ANGEL2: variants seen among roughly 807,000 people sequenced by gnomAD.
ANGEL2 encodes the protein RNA 2',3'-cyclic phosphatase ANGEL2.
A neutral mutation model predicts 66.0 loss-of-function variants in ANGEL2; 41 were observed. That is an observed-to-expected ratio of 0.62 (90% confidence interval 0.48 to 0.81). The LOEUF is 0.81. ANGEL2 is among the 30% of genes least tolerant of loss of function. The probability of loss-of-function intolerance (pLI) is 0.00; values close to 1 mark genes in which losing one functional copy is unlikely to be tolerated. For synonymous variants in ANGEL2, 208 were observed against 226.5 expected (o/e 0.92, Z 0.73); for missense variants, 561 against 641.6 (o/e 0.87, Z 1.36).
rs2076298173 is a variant in ANGEL2 at position 213,005,433 on chromosome 1, A to T, written c.734T>A (p.Met245Lys). Residue 245 changes from methionine (M) to lysine (K), a missense_variant, in exon 5 of 9, where the codon ATG (methionine) becomes AAG (lysine). Met to Lys is a moderately conservative substitution (Grantham distance 95). Coordinates refer to ENST00000366962, the MANE Select transcript of ANGEL2 (RefSeq NM_144567.5). ...ESLGYHCEYK[M>K]RTGRKPDGCA... is the part of the protein sequence containing the mutation. ...GCCATCAGGTTTCCTTCCTGTCCGC[A>T]TCTTATATTCACAGTGATAACCTAC... The T allele has an allele frequency of 6.2e-7, 1 of 1,606,002 alleles. No individual in the cohort carries two copies. Among genetic ancestry groups the T allele is most frequent in the African/African-American group, 1.3e-5 (1 of 74,778 alleles).
In ANGEL2 at chr1:213,015,649, C is replaced by T. The variant is rs1295394333; in HGVS notation, c.23G>A (p.Arg8Lys). The T allele has an allele frequency of 1.9e-6, 3 of 1,614,208 alleles. No individual in the cohort carries two copies. Among genetic ancestry groups the T allele is most frequent in the Middle Eastern group, 1.6e-4 (1 of 6,062 alleles). Residue 8 changes from arginine (R) to lysine (K), a missense_variant, in exon 1 of 9, where the codon AGG becomes AAG. Coordinates refer to ENST00000366962, the MANE Select transcript of ANGEL2 (RefSeq NM_144567.5). ...CACCACACAGTGGCCGTAGCCCTTC[C>T]TCACACAGCGCCAGGCTTCCATCTT... Reference protein sequence around the residue: MEAWRCVRKGYGHCVVGR... With the variant: MEAWRCVKKGYGHCVVGR...
rs1051368949 is a variant in ANGEL2, at chr1:213,015,691, C to T, written c.-20G>A. 3 of 1,614,074 alleles carry T rather than the reference C, an allele frequency of 1.9e-6. No individual in the cohort carries two copies. The highest frequency in any genetic ancestry group is 1.3e-5 in the African/African-American group (1 of 74,928). ...TTCCATCTTCGCCCTCCGCGTGCGT[C>T]CAGTTCCCAGGCCCCGGGTTCCACC... On this transcript the variant is annotated 5_prime_UTR_variant, in exon 1 of 9. Coordinates refer to ENST00000366962, the MANE Select transcript of ANGEL2 (RefSeq NM_144567.5).
rs1475039077 is a variant in ANGEL2 at position 213,013,419 on chromosome 1, C to G, written c.60-1G>C. On this transcript the variant is annotated splice_acceptor_variant, in intron 1 of 8. Coordinates refer to ENST00000366962, the MANE Select transcript of ANGEL2 (RefSeq NM_144567.5). LOFTEE classifies it high-confidence loss of function. ...CGAGTGATGGGGAAACATGGGGTAT[C>G]TAAAAGAAATAAATACACTCCTTGA... 1 of 1,609,244 alleles carries G rather than the reference C, an allele frequency of 6.2e-7. No individual in the cohort carries two copies. The highest frequency in any genetic ancestry group is 1.7e-5 in the Admixed American group (1 of 59,326).
chr1:213,012,161 C>T (rs1033643093), intron 2 of ANGEL2, among the ~76,000 whole-genome samples: 16 of 152,188 alleles, frequency 1.1e-4, no homozygotes, highest in African/African-American at 3.9e-4. Context: ...TTTCTGATAA[C>T]AAAACCAGAG....
At position 212,997,297 on chromosome 1, in the gene ANGEL2, G is replaced by T; in HGVS notation, c.1341C>A (p.His447Gln). 1 of 1,608,968 alleles carries T rather than the reference G, an allele frequency of 6.2e-7. No homozygotes were observed. The highest frequency in any genetic ancestry group is 8.5e-7 in the Non-Finnish European group (1 of 1,176,224). ...TAEKLSSNLQ[H>Q]HFSLSSVYSH... is the part of the protein sequence containing the mutation. ...AATAAACAGATGACAAACTGAAATGGTGCTGTAAATTTGAAGACAATCTAA... is the reference window on the plus strand; with the variant it reads ...AATAAACAGATGACAAACTGAAATGTTGCTGTAAATTTGAAGACAATCTAA... The change falls in exon 8 of 9, where the codon CAC (histidine) becomes CAA (glutamine). Residue 447 changes from histidine to glutamine, a missense_variant. Physicochemically the swap from His to Gln is conservative, Grantham distance 24. Coordinates refer to ENST00000366962, the MANE Select transcript of ANGEL2 (RefSeq NM_144567.5).
intron 1 of ANGEL2, 48 bp from the exon 2 acceptor site, chr1:213,013,466 A>G (rs989240264): frequency 1.3e-6 from 2 of 1,497,504 alleles, no homozygotes; most frequent in African/African-American, 2.8e-5. Flanking sequence ...TTGTTCAGCT[A>G]TAGTTTACAA....
chr1:213,015,151 A>G, intron 1 of ANGEL2: 1 of 1,000,548 alleles, frequency 1.0e-6, no homozygotes, highest in Non-Finnish European at 1.2e-6. Flanking sequence ...ACACTAACAC[A>G]TCAACAAAAA....
intron 1 of ANGEL2, among the ~76,000 whole-genome samples, chr1:213,014,353 T>C (rs985905709): frequency 6.6e-6 from 1 of 152,274 alleles, no homozygotes; most frequent in African/African-American, 2.4e-5. Flanking sequence ...TTGCGTTTAC[T>C]GTTATTTAAC....
intron 5 of ANGEL2, among the ~76,000 whole-genome samples, chr1:213,004,404 T>C (rs2076260385): frequency 6.6e-6 from 1 of 152,264 alleles, no homozygotes; most frequent in South Asian, 2.1e-4. Context: ...TAAATTACTA[T>C]TTTGCCCACA....
At chr1:213,015,230 G>A (rs1003165973) in intron 1 of ANGEL2, 20 of 1,067,196 alleles carry the variant, frequency 1.9e-5, no homozygotes, top group Non-Finnish European at 2.0e-5. Context: ...ACCTACTGCG[G>A]AGAGGCGGCC....
chr1:212,996,640 A>AAAAAAATATAT (rs56102625), intron 8 of ANGEL2, among the ~76,000 whole-genome samples: 1 of 66,482 alleles, frequency 1.5e-5, no homozygotes, highest in African/African-American at 6.9e-5. Context: ...AAAAAAAAAA[A>AAAAAAATATAT]ATATATATAT....
chr1:213,008,192 A>T lies in ANGEL2; in HGVS notation c.642+18T>A. The T allele has an allele frequency of 6.2e-7, 1 of 1,603,774 alleles. No individual in the cohort carries two copies. On this transcript the variant is annotated intron_variant, in intron 3 of 8. Coordinates refer to ENST00000366962, the MANE Select transcript of ANGEL2 (RefSeq NM_144567.5). ...ACTTTTTCTTATGTGAAGAATTTCA[A>T]TAATATTTTGCACTTACGTCTGCAT... is the stretch of plus-strand genomic sequence containing the variant.
In ANGEL2 at chr1:213,005,053, C is replaced by T; in HGVS notation, c.1114G>A (p.Glu372Lys). The T allele has an allele frequency of 7.0e-6, 11 of 1,572,142 alleles. No individual in the cohort carries two copies. Among genetic ancestry groups the T allele is most frequent in the Non-Finnish European group, 9.5e-6 (11 of 1,163,478 alleles). ...SFIKEGKLNY[E>K]GLPIGKVSGQ... ...CTTACCTTTCCTATGGGAAGTCCTTCATAATTCAATTTTCCTTCCTTTATG... is the reference window on the plus strand; with the variant it reads ...CTTACCTTTCCTATGGGAAGTCCTTTATAATTCAATTTTCCTTCCTTTATG... Residue 372 changes from glutamate (E) to lysine (K), a missense_variant, in exon 5 of 9, where the codon GAA becomes AAA. By Grantham distance (56) the Glu-to-Lys change is moderately conservative. Transcript: ENST00000366962.
rs748092067 is a variant in ANGEL2, at chr1:213,000,814, T to C, written c.1233A>G (p.Val411=). Reference sequence around the variant, plus strand: ...TCTTTTCTACTTTTGGTACCTGCTGTACCTCATACACACAGTTCTGTGAGA... The same window carrying C: ...TCTTTTCTACTTTTGGTACCTGCTGCACCTCATACACACAGTTCTGTGAGA... The part of the protein sequence containing the change: ...LGISQNCVYE[V]QQVPKVEKTD... Residue 411 remains valine, a synonymous_variant, in exon 6 of 9, where the codon GTA becomes GTG. Coordinates refer to ENST00000366962, the MANE Select transcript of ANGEL2 (RefSeq NM_144567.5). 1 of 1,611,190 alleles carries C rather than the reference T, an allele frequency of 6.2e-7. No homozygotes were observed. The highest frequency in any genetic ancestry group is 1.1e-5 in the South Asian group (1 of 90,218).
rs1295394333 is a variant in ANGEL2 at position 213,015,649 on chromosome 1, C to A, written c.23G>T (p.Arg8Met). The A allele has an allele frequency of 6.2e-7, 1 of 1,614,090 alleles. No individual in the cohort carries two copies. The highest frequency in any genetic ancestry group is 2.2e-5 in the East Asian group (1 of 44,874). MEAWRCV[R>M]KGYGHCVVGR... is the part of the protein sequence containing the mutation. ...CACCACACAGTGGCCGTAGCCCTTC[C>A]TCACACAGCGCCAGGCTTCCATCTT... The change falls in exon 1 of 9, where the codon AGG (arginine) becomes ATG (methionine). Residue 8 changes from arginine (R) to methionine (M), a missense_variant. Coordinates refer to ENST00000366962, the MANE Select transcript of ANGEL2 (RefSeq NM_144567.5).
At chr1:212,995,227 T>C (rs1216449211) in intron 8 of ANGEL2, 35 bp from the exon 9 acceptor site, 2 of 1,559,162 alleles carry the variant, frequency 1.3e-6, no homozygotes. Flanking sequence ...TTTAGTAAAA[T>C]TGTCAACGGG....
intron 8 of ANGEL2, among the ~76,000 whole-genome samples, chr1:212,996,636 A>ATATATAT (rs1251072343): frequency 3.1e-3 from 128 of 41,874 alleles, no homozygotes; most frequent in Admixed American, 0.017. Flanking sequence ...AAAAAAAAAA[A>ATATATAT]AAAAATATAT....
intron 7 of ANGEL2, among the ~76,000 whole-genome samples, chr1:212,998,961 C>T (rs2076103930): frequency 6.6e-6 from 1 of 152,034 alleles, no homozygotes; most frequent in African/African-American, 2.4e-5. Flanking sequence ...CTCACTGCAA[C>T]CTCTGCCCCC....
intron 2 of ANGEL2, among the ~76,000 whole-genome samples, chr1:213,009,972 A>C (rs1023686433): frequency 1.3e-5 from 2 of 150,780 alleles, no homozygotes; most frequent in Non-Finnish European, 2.9e-5. Flanking sequence ...AATCGCTGTA[A>C]CCCGGGAAGC....
Sources: gnomAD v4.1 joint callset for allele counts (sites outside exome capture counted in the v4.1 genomes callset) on GRCh38, gnomAD v4.1.1 for gene constraint, MANE v1.5 for transcripts, NCBI Gene and HGNC (gene_info 2026-07-23, HGNC 2026-07-21) for gene names.